PIPOX: variants seen among roughly 807,000 people sequenced by gnomAD.
The protein encoded by PIPOX is peroxisomal sarcosine oxidase.
PIPOX carries 45 observed loss-of-function variants against 47.9 expected under a neutral mutation model. The ratio of observed to expected loss-of-function variants is 0.94; its 90% confidence interval spans 0.74 to 1.20. The LOEUF (loss-of-function observed/expected upper bound fraction) is 1.20. Among genes scored for constraint, PIPOX ranks in the 50% most tolerant of loss-of-function variants. The pLI is 0.00. For synonymous variants in PIPOX, 165 were observed against 191.3 expected, an observed-to-expected ratio of 0.86 and a Z score of 1.13; for missense variants, 458 against 498.4, an observed-to-expected ratio of 0.92 and a Z score of 0.77.
rs1469894718 is a variant in PIPOX at position 29,053,029 on chromosome 17, C to G, written c.373C>G (p.Leu125Val). 1 of 1,614,256 alleles carries G rather than the reference C, an allele frequency of 6.2e-7. No homozygotes were observed. Among genetic ancestry groups the G allele is most frequent in the South Asian group, 1.1e-5 (1 of 91,086 alleles). Residue 125 changes from leucine (L) to valine (V), a missense_variant, in exon 3 of 8, where the codon CTG (leucine) becomes GTG (valine). Leu to Val is a conservative substitution (Grantham distance 32). Coordinates refer to ENST00000323372, the MANE Select transcript of PIPOX (RefSeq NM_016518.3). Reference sequence around the variant, plus strand: ...ACACCAGTGTCTTTCATCTGAGGAACTGAAGCAACGTTTCCCAAATATTCG... The same window carrying G: ...ACACCAGTGTCTTTCATCTGAGGAAGTGAAGCAACGTTTCCCAAATATTCG... ...VEHQCLSSEE[L>V]KQRFPNIRLP...
At position 29,044,976 on chromosome 17, in the gene PIPOX, C is replaced by G. The variant is rs748222735; in HGVS notation, c.232C>G (p.Leu78Val). 2 of 1,611,992 alleles carry G rather than the reference C, an allele frequency of 1.2e-6. No homozygotes were observed. Among genetic ancestry groups the G allele is most frequent in the Admixed American group, 1.7e-5 (1 of 59,568 alleles). ...MHECYQIWAQ[L>V]EHEAGTQLHR... ...TGAGTGCTATCAGATATGGGCCCAGCTGGAGCACGAGGCTGGAACCCAATT... is the reference window on the plus strand; with the variant it reads ...TGAGTGCTATCAGATATGGGCCCAGGTGGAGCACGAGGCTGGAACCCAATT... Residue 78 changes from leucine (L) to valine (V), a missense_variant, in exon 2 of 8, where the codon CTG becomes GTG. Physicochemically the swap from Leu to Val is conservative, Grantham distance 32. Transcript: ENST00000323372.
chr17:29,044,841 C>T lies in PIPOX; in HGVS notation c.115-18C>T. ...AGGGGTAATGGCTTCCATCATCTCT[C>T]TTGTTTTCCACTTCCAGTTCTTTCT... On this transcript the variant is annotated intron_variant, in intron 1 of 7. Transcript: ENST00000323372. The T allele has an allele frequency of 1.2e-6, 2 of 1,603,402 alleles. No individual in the cohort carries two copies. The highest frequency in any genetic ancestry group is 1.7e-6 in the Non-Finnish European group (2 of 1,174,006).
At chr17:29,056,015 G>A (rs2065826600) in intron 7 of PIPOX, 127 bp downstream of exon 7, 5 of 1,260,430 alleles carry the variant, frequency 4.0e-6, no homozygotes, top group Non-Finnish European at 5.8e-6. Context: ...GGTATAAGGA[G>A]GCTGGGCAGT....
At chr17:29,055,037 C>G (rs1300572837) in intron 5 of PIPOX, 26 bp from the exon 6 acceptor site, 2 of 1,613,904 alleles carry the variant, frequency 1.2e-6, no homozygotes, top group East Asian at 4.5e-5. Flanking sequence ...GCCCTCACCA[C>G]TCATGCCACT....
chr17:29,053,895 A>C (rs2065816967), intron 4 of PIPOX, among the ~76,000 whole-genome samples: 1 of 152,190 alleles, frequency 6.6e-6, no homozygotes, highest in African/African-American at 2.4e-5. Context: ...TAAAGCCTTT[A>C]AGAGGCCGGA....
At chr17:29,055,249 C>T (rs758179044) in intron 6 of PIPOX, 28 bp downstream of exon 6, 19 of 1,613,094 alleles carry the variant, frequency 1.2e-5, no homozygotes, top group Non-Finnish European at 1.6e-5. Flanking sequence ...CCTTGCTGGG[C>T]CCCCTCACCA....
intron 2 of PIPOX, among the ~76,000 whole-genome samples, chr17:29,046,176 C>T (rs769014063): frequency 2.2e-4 from 33 of 152,218 alleles, no homozygotes; most frequent in Non-Finnish European, 4.4e-4. Flanking sequence ...TATTCAGAGG[C>T]AGCTAATGCA....
chr17:29,045,275 C>T (rs967486289), intron 2 of PIPOX, among the ~76,000 whole-genome samples: 55 of 152,186 alleles, frequency 3.6e-4, no homozygotes, highest in Admixed American at 2.2e-3. Context: ...GCTGGCAAGG[C>T]ACCGTGTGGC....
Position 29,056,717 on chromosome 17 carries a change from C to A in PIPOX, c.*412C>A, listed in dbSNP as rs2065829987. The A allele has an allele frequency of 5.5e-6, 1 of 180,818 alleles. No homozygotes were observed. Among genetic ancestry groups the A allele is most frequent in the South Asian group, 1.4e-4 (1 of 7,360 alleles). The allele number at this position is 180,818 out of a possible 1,614,324, so 11.2% of individuals were successfully genotyped here. A position where few individuals can be genotyped will look rare whatever the true frequency, so the allele number is the denominator to read the frequency against. On this transcript the variant is annotated 3_prime_UTR_variant, in exon 8 of 8. Coordinates refer to ENST00000323372, the MANE Select transcript of PIPOX (RefSeq NM_016518.3). ...CTTTGCTGGGGGCCGGGTGTGGTGG[C>A]TCACACCTGTAATCTCGGCACTTTG...
At chr17:29,056,012 G>C in intron 7 of PIPOX, 124 bp downstream of exon 7, 2 of 1,263,000 alleles carry the variant, frequency 1.6e-6, no homozygotes, top group South Asian at 2.5e-5. Context: ...GTAGGTATAA[G>C]GAGGCTGGGC....
At position 29,056,380 on chromosome 17, in the gene PIPOX, G is replaced by A. The variant is rs958183695; in HGVS notation, c.*75G>A. ...GGAGAAGATGTCTCAGATGAAGGGA[G>A]TGTCCCTGAGATATCATCCTTTTCT... On this transcript the variant is annotated 3_prime_UTR_variant, in exon 8 of 8. Transcript: ENST00000323372. 1.3e-6 allele frequency: 2 copies of A among 1,540,686 alleles called. No homozygotes were observed. Among genetic ancestry groups the A allele is most frequent in the Admixed American group, 1.7e-5 (1 of 58,410 alleles).
chr17:29,052,920 G>A lies in PIPOX; in HGVS notation c.264G>A (p.Arg88=). The change falls in exon 3 of 8, where the codon AGG becomes AGA. Residue 88 remains arginine, a splice_region_variant and synonymous_variant. Transcript: ENST00000323372. ...ACCTAGGTGACTTATTTTTTAACAGGCAGACTGGATTACTGCTGCTGGGAA... is the reference window on the plus strand; with the variant it reads ...ACCTAGGTGACTTATTTTTTAACAGACAGACTGGATTACTGCTGCTGGGAA... The part of the protein sequence containing the change: ...LEHEAGTQLH[R]QTGLLLLGMK... 1 of 1,613,938 alleles carries A rather than the reference G, an allele frequency of 6.2e-7. No homozygotes were observed. Among genetic ancestry groups the A allele is most frequent in the Non-Finnish European group, 8.5e-7 (1 of 1,179,828 alleles).
chr17:29,047,286 C>A (rs904942946), intron 2 of PIPOX, among the ~76,000 whole-genome samples: 1 of 151,980 alleles, frequency 6.6e-6, no homozygotes, highest in African/African-American at 2.4e-5. Flanking sequence ...CAGAGTGAGA[C>A]TCCGTCTCAA....
intron 2 of PIPOX, chr17:29,046,800 C>T: frequency 1.0e-6 from 1 of 960,326 alleles, no homozygotes; most frequent in Non-Finnish European, 1.2e-6. Context: ...TAAATCTCAG[C>T]TCTGACACGC....
chr17:29,046,755 G>C, intron 2 of PIPOX: 1 of 985,390 alleles, frequency 1.0e-6, no homozygotes, highest in Non-Finnish European at 1.2e-6. Context: ...CAGGAGGACA[G>C]GAATTTGGAC....
At position 29,054,546 on chromosome 17, in the gene PIPOX, C is replaced by T; in HGVS notation, c.662C>T (p.Thr221Ile). The T allele has an allele frequency of 2.5e-6, 4 of 1,614,084 alleles. No individual in the cohort carries two copies. Among genetic ancestry groups the T allele is most frequent in the Non-Finnish European group, 3.4e-6 (4 of 1,179,940 alleles). Residue 221 changes from threonine to isoleucine, a missense_variant and splice_region_variant, in exon 5 of 8, where the codon ACC becomes ATC. Coordinates refer to ENST00000323372, the MANE Select transcript of PIPOX (RefSeq NM_016518.3). ...RPLGIEMPLQTLRINVCYWRE... is the reference protein window; with the variant it reads ...RPLGIEMPLQILRINVCYWRE... ...CCCACTTCCTCTCCCTGCCTCAAGA[C>T]CCTGCGGATCAACGTGTGTTACTGG...
At chr17:29,054,737 T>C in intron 5 of PIPOX, 46 bp downstream of exon 5, 1 of 1,593,944 alleles carries the variant, frequency 6.3e-7, no homozygotes, top group Non-Finnish European at 8.6e-7. Context: ...CAGTGCAGAT[T>C]AGGGGAAGCT....
intron 3 of PIPOX, 110 bp downstream of exon 3, chr17:29,053,243 C>T: frequency 7.9e-7 from 1 of 1,266,942 alleles, no homozygotes; most frequent in East Asian, 2.4e-5. Context: ...GCCCTGCAGG[C>T]TTTAGTCTTG....
At chr17:29,051,259 G>A (rs1361297012) in intron 2 of PIPOX, among the ~76,000 whole-genome samples, 2 of 152,258 alleles carry the variant, frequency 1.3e-5, no homozygotes, top group African/African-American at 4.8e-5. Context: ...GCTTCGAAGA[G>A]GCAGAGCTCT....
Sources: allele counts gnomAD v4.1 joint callset (sites outside exome capture counted in the v4.1 genomes callset), GRCh38; gene constraint gnomAD v4.1.1; transcripts MANE v1.5; gene names NCBI Gene and HGNC (gene_info 2026-07-23, HGNC 2026-07-21).